The following ANOS1 variants were observed in gnomAD, a reference collection of about 807,000 sequenced individuals.
ANOS1 encodes anosmin-1.
ANOS1 carries 6 observed loss-of-function variants against 59.0 expected under a neutral mutation model. The observed-to-expected ratio is 0.10, with a 90% CI of 0.06 to 0.20. The LOEUF is 0.20. Ranked by LOEUF, ANOS1 falls within the 10% of genes least tolerant of loss-of-function variation. The probability of loss-of-function intolerance (pLI) is 1.00; values close to 1 mark genes in which losing one functional copy is unlikely to be tolerated. For missense variants in ANOS1, 433 were observed against 542.3 expected, an observed-to-expected ratio of 0.80 and a Z score of 2.00; for synonymous variants, 217 against 223.4, an observed-to-expected ratio of 0.97 and a Z score of 0.25.
At chrX:8,613,270 C>T (rs933960358) in intron 3 of ANOS1, among the ~76,000 whole-genome samples, 3 of 110,087 alleles carry the variant, frequency 2.7e-5, no homozygotes, top group African/African-American at 1.0e-4. Flanking sequence ...TGCAGTGGCA[C>T]GAACATGGCT....
intron 2 of ANOS1, among the ~76,000 whole-genome samples, chrX:8,643,713 T>C (rs1435285137): frequency 8.9e-6 from 1 of 111,918 alleles, no homozygotes; most frequent in Non-Finnish European, 1.9e-5. Flanking sequence ...TTAAAGGGTC[T>C]GAATAGGAAA....
chrX:8,672,191 G>C (rs1012329726), intron 2 of ANOS1, among the ~76,000 whole-genome samples: 2 of 107,634 alleles, frequency 1.9e-5, no homozygotes, highest in Non-Finnish European at 3.9e-5. Context: ...CACACACACA[G>C]ACACAAACAC....
chrX:8,579,817 T>C (rs1930391659), intron 6 of ANOS1, among the ~76,000 whole-genome samples: 1 of 111,910 alleles, frequency 8.9e-6, no homozygotes, highest in Non-Finnish European at 1.9e-5. Context: ...GTGTGTGTGC[T>C]TCACGCTAGC....
intron 3 of ANOS1, among the ~76,000 whole-genome samples, chrX:8,619,461 G>A (rs368556973): frequency 5.4e-5 from 6 of 110,675 alleles, no homozygotes; most frequent in African/African-American, 1.6e-4. Flanking sequence ...AAAATTAGCC[G>A]GGCGTGGTGA....
chrX:8,732,084 C>T lies in ANOS1; in HGVS notation c.-48G>A. ...CGAGGGCGCCGGGCGCGGGCCGAGG[C>T]TCCCTGCTCCGCGCCGGGGCTGCAC... On this transcript the variant is annotated 5_prime_UTR_variant, in exon 1 of 14. Transcript: ENST00000262648. 2 of 858,066 alleles carry T rather than the reference C, an allele frequency of 2.3e-6. No individual in the cohort carries two copies. The highest frequency in any genetic ancestry group is 2.9e-6 in the Non-Finnish European group (2 of 691,266). 70.7% of individuals were successfully genotyped at this position (858,066 alleles called of 1,213,427 possible).
chrX:8,642,847 T>C lies in ANOS1; in HGVS notation c.256-19177A>G, dbSNP rs1383353892. Among the ~76,000 whole-genome samples the C allele has an allele frequency of 2.7e-5, 3 of 111,894 alleles. No homozygotes were observed. In the East Asian group the frequency reaches 8.4e-4, roughly 31 times the overall value. ...GCATCCATGGGCACCCCAGGTGATCTTGATGCAGGCTGAATTTGAGAGTCA... is the reference window on the plus strand; with the variant it reads ...GCATCCATGGGCACCCCAGGTGATCCTGATGCAGGCTGAATTTGAGAGTCA... On this transcript the variant is annotated intron_variant, in intron 2 of 13. Coordinates refer to ENST00000262648, the MANE Select transcript of ANOS1 (RefSeq NM_000216.4).
At chrX:8,542,084 C>T (rs1472967358) in intron 9 of ANOS1, among the ~76,000 whole-genome samples, 1 of 103,848 alleles carries the variant, frequency 9.6e-6, no homozygotes, top group East Asian at 3.0e-4. Flanking sequence ...CTCGCCATGT[C>T]TGAGTTCACT....
chrX:8,663,266 C>T (rs932965287), intron 2 of ANOS1, among the ~76,000 whole-genome samples: 31 of 111,423 alleles, frequency 2.8e-4, no homozygotes, highest in African/African-American at 6.8e-4. Flanking sequence ...ATAAGAGATA[C>T]GGAAATTTAA....
At chrX:8,583,804 C>T (rs1453942877) in intron 6 of ANOS1, among the ~76,000 whole-genome samples, 2 of 112,011 alleles carry the variant, frequency 1.8e-5, no homozygotes, top group Non-Finnish European at 3.8e-5. Context: ...TAAAAGTCCA[C>T]TTAAATTTGG....
At chrX:8,595,993 T>C (rs1256400282) in intron 4 of ANOS1, among the ~76,000 whole-genome samples, 1 of 111,555 alleles carries the variant, frequency 9.0e-6, no homozygotes, top group East Asian at 2.8e-4. Context: ...CTAGGTTGCA[T>C]GCTCTTTATG....
rs1348652229 is a variant in ANOS1 at position 8,731,955 on chromosome X, C to T, written c.82G>A (p.Gly28Ser). 2 of 1,113,806 alleles carry T rather than the reference C, an allele frequency of 1.8e-6. No individual in the cohort carries two copies. The highest frequency in any genetic ancestry group is 2.4e-6 in the Non-Finnish European group (2 of 850,857). 91.8% of individuals were successfully genotyped at this position (1,113,806 alleles called of 1,213,427 possible). A position where few individuals can be genotyped will look rare whatever the true frequency, so the allele number is the denominator to read the frequency against. The change falls in exon 1 of 14, where the codon GGC becomes AGC. Residue 28 changes from glycine (G) to serine (S), a missense_variant. Physicochemically the swap from Gly to Ser is moderately conservative, Grantham distance 56 (BLOSUM62 0). Coordinates refer to ENST00000262648, the MANE Select transcript of ANOS1 (RefSeq NM_000216.4). ...TCCAGCCGCCGCGCAGCAGCCGCGC[C>T]GGGGCCGGCCGCCAGGCAGCCGCTG... is the stretch of plus-strand genomic sequence containing the variant. ...ASSGCLAAGP[G>S]AAAARRLDES... is the part of the protein sequence containing the mutation.
At chrX:8,605,746 C>T (rs1404443808) in intron 3 of ANOS1, among the ~76,000 whole-genome samples, 3 of 110,063 alleles carry the variant, frequency 2.7e-5, no homozygotes, top group African/African-American at 9.9e-5. Context: ...AGGTTATGTT[C>T]CAAGAATAAC....
Position 8,731,980 on chromosome X carries a change from G to A in ANOS1, c.57C>T (p.Ser19=). The change falls in exon 1 of 14, where the codon TCC becomes TCT. Residue 19 remains serine, a synonymous_variant. Coordinates refer to ENST00000262648, the MANE Select transcript of ANOS1 (RefSeq NM_000216.4). ...VLTLCLWLAA[S]SGCLAAGPGA... The stretch of plus-strand genomic sequence containing the variant: ...CGGGGCCGGCCGCCAGGCAGCCGCT[G>A]GAGGCCGCCAGCCAGAGGCAGAGGG... The A allele has an allele frequency of 9.1e-7, 1 of 1,102,114 alleles. No homozygotes were observed. Among genetic ancestry groups the A allele is most frequent in the Non-Finnish European group, 1.2e-6 (1 of 845,319 alleles). 90.8% of individuals were successfully genotyped at this position (1,102,114 alleles called of 1,213,427 possible).
At chrX:8,687,544 C>T (rs1932541679) in intron 2 of ANOS1, among the ~76,000 whole-genome samples, 1 of 106,957 alleles carries the variant, frequency 9.3e-6, no homozygotes, top group Non-Finnish European at 1.9e-5. Flanking sequence ...CCTCAGAAAA[C>T]GTGATTTCAT....
intron 8 of ANOS1, among the ~76,000 whole-genome samples, chrX:8,566,823 A>C (rs1297283993): frequency 2.7e-5 from 3 of 111,655 alleles, no homozygotes; most frequent in East Asian, 2.8e-4. Flanking sequence ...GCCCATTTGG[A>C]TCCTACGTTT....
In ANOS1 at chrX:8,646,131, G is replaced by A. The variant is rs184854788; in HGVS notation, c.256-22461C>T. ...TTAGGTTAATAATAAAGAGCGAAAG[G>A]AAAGATGGTGAGTCTAGCAACAAGG... On this transcript the variant is annotated intron_variant, in intron 2 of 13. Coordinates refer to ENST00000262648, the MANE Select transcript of ANOS1 (RefSeq NM_000216.4). Among the ~76,000 whole-genome samples the A allele has an allele frequency of 4.2e-4, 47 of 112,176 alleles. 1 individual carries two copies. The highest frequency in any genetic ancestry group is 8.5e-4 in the Admixed American group (9 of 10,600).
intron 2 of ANOS1, among the ~76,000 whole-genome samples, chrX:8,668,014 G>A (rs146433721): frequency 1.4e-3 from 152 of 110,665 alleles, no homozygotes; most frequent in African/African-American, 4.6e-3. Context: ...AGTGTCAGGC[G>A]TATTTAAGGT....
chrX:8,586,200 T>C (rs950221407), intron 5 of ANOS1, among the ~76,000 whole-genome samples: 2 of 112,066 alleles, frequency 1.8e-5, no homozygotes, highest in Non-Finnish European at 3.8e-5. Context: ...CTTGGATCTG[T>C]GGATGAAACT....
In ANOS1 at chrX:8,578,157, A is replaced by G. The variant is rs192180560; in HGVS notation, c.856+7110T>C. 6.1e-4 allele frequency among the ~76,000 whole-genome samples: 68 copies of G among 111,844 alleles called. 1 individual carries two copies. The highest frequency in any genetic ancestry group is 2.1e-3 in the African/African-American group (64 of 30,827). ...ACACCTCATAAGGTATACTTATGGTATATACTTGATGTAACTTTGGTCAAG... is the reference window on the plus strand; with the variant it reads ...ACACCTCATAAGGTATACTTATGGTGTATACTTGATGTAACTTTGGTCAAG... On this transcript the variant is annotated intron_variant, in intron 6 of 13. Transcript: ENST00000262648.
Sources: gnomAD v4.1 joint callset for allele counts (sites outside exome capture counted in the v4.1 genomes callset) on GRCh38, gnomAD v4.1.1 for gene constraint, MANE v1.5 for transcripts, NCBI Gene and HGNC (gene_info 2026-07-23, HGNC 2026-07-21) for gene names.